The following ZNF81 variants were observed in gnomAD, a reference collection of about 807,000 sequenced individuals.
The protein encoded by ZNF81 is zinc finger protein 81 (HFZ20).
ZNF81 carries 5 observed loss-of-function variants against 32.3 expected under a neutral mutation model. The observed-to-expected ratio is 0.15, with a 90% CI of 0.08 to 0.33. The LOEUF (loss-of-function observed/expected upper bound fraction) is 0.33. Ranked by LOEUF, ZNF81 falls within the 10% of genes least tolerant of loss-of-function variation. The pLI is 1.00. For missense variants in ZNF81, 379 were observed against 479.8 expected (o/e 0.79, Z 1.96); for synonymous variants, 163 against 166.8 (o/e 0.98, Z 0.17).
intron 2 of ZNF81, among the ~76,000 whole-genome samples, chrX:47,864,354 A>G (rs1230906614): frequency 8.9e-6 from 1 of 112,029 alleles, no homozygotes; most frequent in Non-Finnish European, 1.9e-5. Context: ...CAGAAAACTG[A>G]AAATAGCCAC....
intron 4 of ZNF81, among the ~76,000 whole-genome samples, chrX:47,900,824 G>A (rs1285846450): frequency 1.8e-5 from 2 of 111,455 alleles, no homozygotes; most frequent in African/African-American, 6.5e-5. Context: ...GTCAGCCAGA[G>A]ACTTAGGCAG....
rs1556883903 is a variant in ZNF81 at position 47,871,488 on chromosome X, C to G, written c.55-16511C>G. Among the ~76,000 whole-genome samples the G allele has an allele frequency of 6.3e-5, 7 of 111,283 alleles. No individual in the cohort carries two copies. In the Admixed American group the frequency reaches 6.7e-4, roughly 11 times the overall value. On this transcript the variant is annotated intron_variant, in intron 2 of 4. Transcript: ENST00000338637. The stretch of plus-strand genomic sequence containing the variant: ...GCCCTTCTCATCCCAGGTATATGCC[C>G]CTCAGTAAACCTTATCAAATATGCA...
intron 1 of ZNF81, among the ~76,000 whole-genome samples, chrX:47,838,551 T>G (rs1556879359): frequency 9.0e-6 from 1 of 111,411 alleles, no homozygotes; most frequent in Admixed American, 9.5e-5. Context: ...CTCTGAATTT[T>G]GATGATCTTG....
At chrX:47,869,879 A>G (rs2058573751) in intron 2 of ZNF81, among the ~76,000 whole-genome samples, 1 of 110,840 alleles carries the variant, frequency 9.0e-6, no homozygotes, top group Admixed American at 9.6e-5. Context: ...TATTTTTAGT[A>G]GAGACAGGGT....
At chrX:47,893,701 A>G (rs1013588434) in intron 3 of ZNF81, among the ~76,000 whole-genome samples, 3 of 109,413 alleles carry the variant, frequency 2.7e-5, no homozygotes, top group African/African-American at 1.0e-4. Flanking sequence ...ACCTTCTAGC[A>G]TGAGAATCAC....
At chrX:47,870,330 A>G (rs57721506) in intron 2 of ZNF81, among the ~76,000 whole-genome samples, 7,098 of 112,047 alleles carry the variant, frequency 0.063, 256 homozygotes, top group African/African-American at 0.14. Flanking sequence ...GGTTGCTCTA[A>G]TTTTTAACAA....
At chrX:47,877,080 C>T (rs1318120930) in intron 2 of ZNF81, among the ~76,000 whole-genome samples, 7 of 112,410 alleles carry the variant, frequency 6.2e-5, no homozygotes, top group Non-Finnish European at 9.4e-5. Context: ...ATACACTCAG[C>T]CATGGAAGCC....
intron 2 of ZNF81, among the ~76,000 whole-genome samples, chrX:47,846,922 T>G (rs1284145249): frequency 8.9e-6 from 1 of 112,041 alleles, no homozygotes; most frequent in Non-Finnish European, 1.9e-5. Context: ...GTGTTGATCA[T>G]TGAATCCCAT....
chrX:47,838,305 C>T (rs1188962863), intron 1 of ZNF81, among the ~76,000 whole-genome samples: 1 of 111,907 alleles, frequency 8.9e-6, no homozygotes, highest in African/African-American at 3.3e-5. Context: ...TATACCTCTG[C>T]TTTTCTTCCC....
At chrX:47,883,367 A>G (rs1556885377) in intron 2 of ZNF81, among the ~76,000 whole-genome samples, 1 of 112,127 alleles carries the variant, frequency 8.9e-6, no homozygotes, top group Non-Finnish European at 1.9e-5. Flanking sequence ...CATTTTCTCA[A>G]TAGCGTCTTT....
intron 2 of ZNF81, among the ~76,000 whole-genome samples, chrX:47,853,331 G>A (rs1302498088): frequency 2.7e-5 from 3 of 109,634 alleles, no homozygotes; most frequent in Non-Finnish European, 5.7e-5. Context: ...ACAGACACAC[G>A]CCACCACGCC....
chrX:47,857,169 A>G (rs144618945), intron 2 of ZNF81, among the ~76,000 whole-genome samples: 3 of 111,848 alleles, frequency 2.7e-5, no homozygotes, highest in Non-Finnish European at 3.8e-5. Flanking sequence ...AGCTAATGAT[A>G]TATCCTTAAA....
rs986359778 is a variant in ZNF81 at position 47,858,500 on chromosome X, T to C, written c.54+12179T>C. ...CCTTATACACTGATGATGTTCAGAA[T>C]CCTTTATTTTAGATTGAGTCTTTTA... On this transcript the variant is annotated intron_variant, in intron 2 of 4. Transcript: ENST00000338637. 1.3e-4 allele frequency among the ~76,000 whole-genome samples: 15 copies of C among 112,057 alleles called. No individual in the cohort carries two copies. The South Asian group carries it at 5.6e-3, about 42-fold the overall frequency.
chrX:47,848,161 C>T (rs5905631), intron 2 of ZNF81, among the ~76,000 whole-genome samples: 45,812 of 109,945 alleles, frequency 0.42, 7,471 homozygotes, highest in East Asian at 0.6. Context: ...GTGATCTGCC[C>T]GCCTCGGCCT....
chrX:47,850,095 G>A (rs2058487612), intron 2 of ZNF81, among the ~76,000 whole-genome samples: 1 of 111,496 alleles, frequency 9.0e-6, no homozygotes, highest in South Asian at 3.7e-4. Flanking sequence ...GACCATATGA[G>A]GAAACAGTTC....
intron 3 of ZNF81, 33 bp from the exon 4 acceptor site, chrX:47,895,812 T>C (rs782226234): frequency 1.0e-5 from 11 of 1,082,076 alleles, no homozygotes; most frequent in Non-Finnish European, 1.3e-6. Flanking sequence ...AGCAATTTGC[T>C]GGACCCAATT....
chrX:47,874,660 T>C (rs190320751), intron 2 of ZNF81, among the ~76,000 whole-genome samples: 7 of 112,300 alleles, frequency 6.2e-5, no homozygotes, highest in Non-Finnish European at 1.1e-4. Flanking sequence ...AGGGCTGCTG[T>C]CCTCTCATTG....
chrX:47,863,445 C>T (rs1403843097), intron 2 of ZNF81, among the ~76,000 whole-genome samples: 2 of 111,081 alleles, frequency 1.8e-5, no homozygotes, highest in African/African-American at 6.7e-5. Flanking sequence ...TGCAGTGTGG[C>T]ACTAAGACTC....
intron 3 of ZNF81, among the ~76,000 whole-genome samples, chrX:47,894,879 T>G (rs1333120104): frequency 8.9e-6 from 1 of 111,987 alleles, no homozygotes; most frequent in Non-Finnish European, 1.9e-5. Context: ...TGTGGTCTGG[T>G]TTCATAGGTT....
Sources: allele counts gnomAD v4.1 joint callset (sites outside exome capture counted in the v4.1 genomes callset), GRCh38; gene constraint gnomAD v4.1.1; transcripts MANE v1.5; gene names NCBI Gene and HGNC (gene_info 2026-07-23, HGNC 2026-07-21).